Variants in GCN1 observed in about 807,000 individuals in gnomAD.
GCN1 encodes stalled ribosome sensor GCN1.
In GCN1, 90 loss-of-function variants were observed where a neutral mutation model predicts 288.4. That is an observed-to-expected ratio of 0.31 (90% CI 0.26 to 0.37). The LOEUF (loss-of-function observed/expected upper bound fraction) is 0.37, where lower values mean the gene tolerates loss of function less well. Ranked by LOEUF, GCN1 falls within the 10% of genes least tolerant of loss-of-function variation. The probability of loss-of-function intolerance (pLI) is 1.00; values close to 1 mark genes in which losing one functional copy is unlikely to be tolerated. For synonymous variants in GCN1, 1,386 were observed against 1,420.2 expected, an observed-to-expected ratio of 0.98 and a Z score of 0.54; for missense variants, 2,586 against 3,419.9, an observed-to-expected ratio of 0.76 and a Z score of 6.08.
At position 120,149,906 on chromosome 12, in the gene GCN1, C is replaced by T; in HGVS notation, c.4431+16G>A. 1 of 1,614,066 alleles carries T rather than the reference C, an allele frequency of 6.2e-7. No individual in the cohort carries two copies. Among genetic ancestry groups the T allele is most frequent in the Admixed American group, 1.7e-5 (1 of 60,016 alleles). ...AAAGTTTCCATGCTGTTCTCCCGAG[C>T]AGTCCGGGGACTTACCTCACGCACA... On this transcript the variant is annotated intron_variant, in intron 35 of 57. Coordinates refer to ENST00000300648, the MANE Select transcript of GCN1 (RefSeq NM_006836.2).
chr12:120,181,233 C>A (rs1401249623), intron 5 of GCN1, among the ~76,000 whole-genome samples: 2 of 151,774 alleles, frequency 1.3e-5, no homozygotes, highest in Admixed American at 6.6e-5. Flanking sequence ...TGGAAGACCG[C>A]AGCAGGTGGT....
At chr12:120,131,358 T>G in intron 54 of GCN1, 25 bp from the exon 55 acceptor site, 1 of 1,611,520 alleles carries the variant, frequency 6.2e-7, no homozygotes, top group African/African-American at 1.3e-5. Flanking sequence ...ACGACTGGGA[T>G]CAACCGGTAT....
chr12:120,178,910 C>G lies in GCN1; in HGVS notation c.467G>C (p.Gly156Ala), dbSNP rs779684922. 9 of 1,613,976 alleles carry G rather than the reference C, an allele frequency of 5.6e-6. No individual in the cohort carries two copies. The highest frequency in any genetic ancestry group is 7.6e-6 in the Non-Finnish European group (9 of 1,180,006). ...ACCATCCACGGCGTGCTTGTGGGAG[C>G]CACCCAGCACCTCCAGCAAGAGCAG... The part of the protein sequence containing the change: ...QCLLLLEVLG[G>A]SHKHAVDGAV... The change falls in exon 6 of 58, where the codon GGC becomes GCC. Residue 156 changes from glycine to alanine, a missense_variant. Physicochemically the swap from Gly to Ala is moderately conservative, Grantham distance 60 (BLOSUM62 0). Transcript: ENST00000300648.
intron 5 of GCN1, among the ~76,000 whole-genome samples, chr12:120,182,284 C>T (rs915652408): frequency 6.6e-6 from 1 of 152,194 alleles, no homozygotes; most frequent in Non-Finnish European, 1.5e-5. Context: ...AGTCCCAGCT[C>T]ACAATACGTA....
intron 57 of GCN1, among the ~76,000 whole-genome samples, chr12:120,128,221 C>T (rs113945934): frequency 2.4e-3 from 365 of 152,324 alleles, no homozygotes; most frequent in Middle Eastern, 0.017. Context: ...AATTCCTGGG[C>T]TCCAGTGATC....
At chr12:120,192,823 T>C (rs1043661420) in intron 1 of GCN1, among the ~76,000 whole-genome samples, 3 of 151,136 alleles carry the variant, frequency 2.0e-5, no homozygotes, top group Non-Finnish European at 4.4e-5. Flanking sequence ...GGCGGACAGA[T>C]TGCTTGAGGT....
chr12:120,151,145 C>A lies in GCN1; in HGVS notation c.4309G>T (p.Gly1437Ter). ...CAGCCCCAAGCTCAGAGATGCTCAC[C>A]CTCTCGCCGGCGGAAGTTCTTCTTA... The part of the protein sequence containing the change: ...QDKKNFRRRE[G>*]ALFAFEMLCT... The change falls in exon 34 of 58, where the codon GGA becomes TGA. Residue 1437 changes from glycine (G) to a stop codon, truncating the protein, a stop_gained and splice_region_variant. Coordinates refer to ENST00000300648, the MANE Select transcript of GCN1 (RefSeq NM_006836.2). LOFTEE classifies it high-confidence loss of function. 1 of 1,612,682 alleles carries A rather than the reference C, an allele frequency of 6.2e-7. No individual in the cohort carries two copies. Among genetic ancestry groups the A allele is most frequent in the Non-Finnish European group, 8.5e-7 (1 of 1,179,828 alleles).
intron 33 of GCN1, 37 bp from the exon 34 acceptor site, chr12:120,151,428 C>G: frequency 6.2e-7 from 1 of 1,607,970 alleles, no homozygotes; most frequent in Non-Finnish European, 8.5e-7. Flanking sequence ...TGTGGCTCCG[C>G]TGCAGCCGTT....
intron 16 of GCN1, among the ~76,000 whole-genome samples, chr12:120,167,352 C>CAAA (rs58505091): frequency 1.5e-4 from 11 of 72,966 alleles, no homozygotes; most frequent in Admixed American, 3.4e-4. Context: ...AACTCCATCT[C>CAAA]AAAAAAAAAA....
At chr12:120,130,228 C>T (rs555019547) in intron 56 of GCN1, among the ~76,000 whole-genome samples, 59 of 152,316 alleles carry the variant, frequency 3.9e-4, no homozygotes, top group African/African-American at 1.3e-3. Flanking sequence ...CCTGCTGGCA[C>T]ATTCCTTGGC....
At chr12:120,140,051 C>A (rs1389921138) in intron 45 of GCN1, among the ~76,000 whole-genome samples, 1 of 152,250 alleles carries the variant, frequency 6.6e-6, no homozygotes, top group African/African-American at 2.4e-5. Context: ...AATCACAACT[C>A]TTTCTGATGA....
Position 120,130,652 on chromosome 12 carries a change from G to C in GCN1, c.7665C>G (p.Phe2555Leu), listed in dbSNP as rs375528439. ...ATGCTTGGCCCCCACTCACCTTAACGAACAGGCTGGAAAGTTTGGCCGGCA... is the reference window on the plus strand; with the variant it reads ...ATGCTTGGCCCCCACTCACCTTAACCAACAGGCTGGAAAGTTTGGCCGGCA... ...GQLPAKLSSL[F>L]VKCLQNPSSD... Residue 2555 changes from phenylalanine to leucine, a missense_variant, in exon 56 of 58, where the codon TTC (phenylalanine) becomes TTG (leucine). This residue lies in a region of GCN1 where 355 missense variants were observed against 431.1 expected (regional missense o/e 0.82). Transcript: ENST00000300648. The C allele has an allele frequency of 1.2e-5, 19 of 1,609,900 alleles. No homozygotes were observed. Among genetic ancestry groups the C allele is most frequent in the Non-Finnish European group, 2.6e-6 (3 of 1,176,378 alleles).
chr12:120,176,509 A>G (rs1231804209), intron 9 of GCN1, among the ~76,000 whole-genome samples: 1 of 152,206 alleles, frequency 6.6e-6, no homozygotes, highest in African/African-American at 2.4e-5. Flanking sequence ...TAAGTCCAGA[A>G]TGTCTACAGA....
chr12:120,132,058 G>A (rs377529704), intron 53 of GCN1, 36 bp from the exon 54 acceptor site: 56 of 1,338,826 alleles, frequency 4.2e-5, no homozygotes, highest in East Asian at 3.4e-4. Flanking sequence ...GGGGTGCAGG[G>A]AACAACACCA....
At chr12:120,184,724 G>A in intron 3 of GCN1, 100 bp downstream of exon 3, 1 of 850,192 alleles carries the variant, frequency 1.2e-6, no homozygotes, top group Admixed American at 1.7e-5. Context: ...GCCCAGATTT[G>A]GCACCAGGCA....
chr12:120,136,004 T>C (rs1029569923), intron 51 of GCN1, among the ~76,000 whole-genome samples: 1 of 151,836 alleles, frequency 6.6e-6, no homozygotes, highest in Non-Finnish European at 1.5e-5. Context: ...GTGACAGAGT[T>C]AGACTCTGTC....
chr12:120,152,335 T>C (rs1877583766), intron 33 of GCN1, among the ~76,000 whole-genome samples: 1 of 148,988 alleles, frequency 6.7e-6, no homozygotes, highest in Non-Finnish European at 1.5e-5. Context: ...AGCCCAACTG[T>C]TCACTTTATG....
intron 14 of GCN1, among the ~76,000 whole-genome samples, chr12:120,173,014 G>T (rs1878358446): frequency 6.6e-6 from 1 of 150,948 alleles, no homozygotes; most frequent in South Asian, 2.1e-4. Context: ...TTTTTAATAA[G>T]TCCAGAGTAA....
chr12:120,182,569 G>T (rs1345917193), intron 5 of GCN1, among the ~76,000 whole-genome samples: 2 of 152,202 alleles, frequency 1.3e-5, no homozygotes, highest in African/African-American at 2.4e-5. Context: ...AGGGTGAGTA[G>T]TATTTTCTTT....
Sources: gnomAD v4.1 joint callset for allele counts (sites outside exome capture counted in the v4.1 genomes callset) on GRCh38, gnomAD v4.1.1 for gene constraint, gnomAD v4.1.1 regional missense constraint, MANE v1.5 for transcripts, NCBI Gene and HGNC (gene_info 2026-07-23, HGNC 2026-07-21) for gene names.